Variants in NKAIN3 observed in about 807,000 individuals in gnomAD.
The protein encoded by NKAIN3 is sodium/potassium-transporting ATPase subunit beta-1-interacting protein 3.
A neutral mutation model predicts 30.2 loss-of-function variants in NKAIN3; 25 were observed. The observed-to-expected ratio is 0.83, with a 90% CI of 0.60 to 1.16. The LOEUF is 1.16. NKAIN3 is among the 50% of genes most tolerant of loss of function. NKAIN3 has a pLI of 0.00. For missense variants in NKAIN3, 225 were observed against 254.1 expected (o/e 0.89, Z 0.78); for synonymous variants, 91 against 89.6 (o/e 1.02, Z -0.09).
chr8:62,957,489 G>A (rs535161032), intron 6 of NKAIN3, among the ~76,000 whole-genome samples: 11 of 152,110 alleles, frequency 7.2e-5, no homozygotes, highest in Non-Finnish European at 1.2e-4. Flanking sequence ...GATGTCCTCC[G>A]TAGGTGAATG....
chr8:62,910,937 T>A (rs1389106333), intron 4 of NKAIN3, among the ~76,000 whole-genome samples: 1 of 152,144 alleles, frequency 6.6e-6, no homozygotes, highest in Non-Finnish European at 1.5e-5. Context: ...AACCAGTAAA[T>A]GCTGATGGAC....
At chr8:62,358,910 G>T (rs187580040) in intron 1 of NKAIN3, among the ~76,000 whole-genome samples, 2 of 152,110 alleles carry the variant, frequency 1.3e-5, no homozygotes, top group South Asian at 2.1e-4. Flanking sequence ...GGCCGGGCGC[G>T]GTGGCTCACG....
intron 4 of NKAIN3, among the ~76,000 whole-genome samples, chr8:62,853,620 C>G (rs1268807357): frequency 6.6e-6 from 1 of 151,992 alleles, no homozygotes; most frequent in Non-Finnish European, 1.5e-5. Context: ...GTCTAGCTAT[C>G]AGTCTATCTA....
At chr8:62,594,963 A>G (rs919890558) in intron 3 of NKAIN3, among the ~76,000 whole-genome samples, 1 of 151,934 alleles carries the variant, frequency 6.6e-6, no homozygotes, top group Non-Finnish European at 1.5e-5. Flanking sequence ...AAAGACAAGA[A>G]GAAACACCAT....
rs556176643 is a variant in NKAIN3, at chr8:62,668,099, CACACACACACAT to C, written c.273+78317_273+78328del. Among the ~76,000 whole-genome samples the C allele has an allele frequency of 1.4e-4, 18 of 132,254 alleles. No homozygotes were observed. In the East Asian group the frequency reaches 2.8e-3, roughly 20 times the overall value. The allele number at this position is 132,254 out of a possible 152,430, so 86.8% of individuals were successfully genotyped here. ...CCAGGCCCCACCTCACACACACATA[CACACACACACAT>C]ACACACACACACACACACACAGTCA... On this transcript the variant is annotated intron_variant, in intron 3 of 6. Transcript: ENST00000623646.
chr8:62,923,771 G>A (rs1822353271), intron 5 of NKAIN3, among the ~76,000 whole-genome samples: 1 of 152,150 alleles, frequency 6.6e-6, no homozygotes, highest in Admixed American at 6.5e-5. Flanking sequence ...GACCAGCAGG[G>A]TTGTAACCTC....
intron 4 of NKAIN3, among the ~76,000 whole-genome samples, chr8:62,862,582 A>G (rs1413362854): frequency 6.6e-6 from 1 of 152,182 alleles, no homozygotes; most frequent in Non-Finnish European, 1.5e-5. Flanking sequence ...CCTTCATGAA[A>G]AGAGTACTGA....
At chr8:62,576,140 T>C (rs1810101476) in intron 1 of NKAIN3, among the ~76,000 whole-genome samples, 2 of 152,046 alleles carry the variant, frequency 1.3e-5, no homozygotes, top group Non-Finnish European at 2.9e-5. Context: ...AAAAAGCTTC[T>C]GCACAGCATA....
intron 3 of NKAIN3, among the ~76,000 whole-genome samples, chr8:62,692,848 G>T (rs561523917): frequency 6.6e-6 from 1 of 152,252 alleles, no homozygotes; most frequent in African/African-American, 2.4e-5. Flanking sequence ...AGCCCTCCCA[G>T]ATTCTGGAGA....
chr8:62,536,684 A>G (rs983419522), intron 1 of NKAIN3, among the ~76,000 whole-genome samples: 4 of 151,994 alleles, frequency 2.6e-5, no homozygotes, highest in Non-Finnish European at 2.9e-5. Context: ...AATATTTGCT[A>G]TTTTTTCTTG....
intron 5 of NKAIN3, among the ~76,000 whole-genome samples, chr8:62,947,026 T>C (rs1377246600): frequency 6.6e-6 from 1 of 152,150 alleles, no homozygotes; most frequent in Non-Finnish European, 1.5e-5. Flanking sequence ...ACTTTAAGTG[T>C]ATCAAAGGCA....
At chr8:62,268,056 C>G (rs1488799760) in intron 1 of NKAIN3, among the ~76,000 whole-genome samples, 25 of 152,056 alleles carry the variant, frequency 1.6e-4, no homozygotes. Context: ...TTATTAATAA[C>G]AAATCTCATA....
chr8:62,923,060 G>C (rs1357194868), intron 5 of NKAIN3, among the ~76,000 whole-genome samples: 5 of 152,128 alleles, frequency 3.3e-5, no homozygotes, highest in African/African-American at 1.2e-4. Flanking sequence ...ACTTTGCAAG[G>C]CTGAAGCAGG....
intron 4 of NKAIN3, among the ~76,000 whole-genome samples, chr8:62,784,892 A>G: frequency 6.6e-6 from 1 of 152,178 alleles, no homozygotes; most frequent in East Asian, 1.9e-4. Flanking sequence ...TTTTCAAATG[A>G]AAACTACAGT....
intron 6 of NKAIN3, among the ~76,000 whole-genome samples, chr8:62,959,290 A>AG (rs1440368625): frequency 9.9e-5 from 15 of 152,156 alleles, no homozygotes; most frequent in African/African-American, 3.6e-4. Flanking sequence ...ATCAGGCTGT[A>AG]GGACAGATGC....
At chr8:62,894,231 G>T (rs1239440639) in intron 4 of NKAIN3, among the ~76,000 whole-genome samples, 3 of 152,104 alleles carry the variant, frequency 2.0e-5, no homozygotes, top group African/African-American at 7.2e-5. Context: ...TGAGCTGAAT[G>T]TCAATTATTC....
intron 5 of NKAIN3, among the ~76,000 whole-genome samples, chr8:62,934,715 A>G (rs1822728070): frequency 6.6e-6 from 1 of 152,174 alleles, no homozygotes; most frequent in South Asian, 2.1e-4. Flanking sequence ...ACTGAAAACA[A>G]TTGGAAAAAG....
chr8:62,818,210 T>G (rs987964134), intron 4 of NKAIN3, among the ~76,000 whole-genome samples: 1 of 152,174 alleles, frequency 6.6e-6, no homozygotes, highest in Non-Finnish European at 1.5e-5. Flanking sequence ...GTTTGATATT[T>G]ACAACAGTTA....
intron 1 of NKAIN3, among the ~76,000 whole-genome samples, chr8:62,323,355 G>T (rs115732009): frequency 6.6e-6 from 1 of 152,126 alleles, no homozygotes; most frequent in Non-Finnish European, 1.5e-5. Context: ...GATTATGCAC[G>T]CCATAGTTAA....
Sources: gnomAD v4.1 joint callset for allele counts (sites outside exome capture counted in the v4.1 genomes callset) on GRCh38, gnomAD v4.1.1 for gene constraint, MANE v1.5 for transcripts, NCBI Gene and HGNC (gene_info 2026-07-23, HGNC 2026-07-21) for gene names.